NCAM2: variants seen among roughly 807,000 people sequenced by gnomAD.
NCAM2 encodes the protein neural cell adhesion molecule 2.
Under a neutral mutation model 98.1 loss-of-function variants are expected in NCAM2, and 30 were observed. The ratio of observed to expected loss-of-function variants is 0.31; its 90% CI spans 0.23 to 0.41. The LOEUF (loss-of-function observed/expected upper bound fraction) is 0.41. Ranked by LOEUF, NCAM2 falls within the 10% of genes least tolerant of loss-of-function variation. NCAM2 has a pLI of 1.00. For synonymous variants in NCAM2, 368 were observed against 342.4 expected (o/e 1.07, Z -0.83); for missense variants, 867 against 1,005.8 (o/e 0.86, Z 1.87).
chr21:21,462,690 C>G (rs1047190181), intron 12 of NCAM2, among the ~76,000 whole-genome samples: 3 of 151,138 alleles, frequency 2.0e-5, no homozygotes, highest in African/African-American at 4.9e-5. Flanking sequence ...TCTTTTTTGC[C>G]TTTATAGACA....
intron 15 of NCAM2, among the ~76,000 whole-genome samples, chr21:21,502,951 A>G (rs906802273): frequency 6.6e-6 from 1 of 152,006 alleles, no homozygotes; most frequent in Non-Finnish European, 1.5e-5. Flanking sequence ...ACATTGAACT[A>G]TATAAGGAGT....
At chr21:21,058,376 G>A (rs907308446) in intron 1 of NCAM2, among the ~76,000 whole-genome samples, 2 of 152,030 alleles carry the variant, frequency 1.3e-5, no homozygotes, top group African/African-American at 4.8e-5. Context: ...ACATTTATCT[G>A]TTGGGGTCAC....
intron 1 of NCAM2, among the ~76,000 whole-genome samples, chr21:21,019,299 T>C (rs548777889): frequency 6.6e-5 from 10 of 152,296 alleles, no homozygotes; most frequent in African/African-American, 2.4e-4. Flanking sequence ...CCTGCAAAAA[T>C]TTTATTTTTA....
chr21:21,290,289 T>C (rs922586723), intron 4 of NCAM2: 2 of 151,980 alleles, frequency 1.3e-5, no homozygotes, highest in African/African-American at 4.8e-5. Context: ...CTAAGTATGA[T>C]AGTGTTCCTC....
chr21:21,296,120 C>T (rs1406281596), intron 5 of NCAM2, among the ~76,000 whole-genome samples: 1 of 151,750 alleles, frequency 6.6e-6, no homozygotes, highest in East Asian at 1.9e-4. Flanking sequence ...ACTAAAAGGC[C>T]TAACACAGCA....
chr21:21,134,538 T>G (rs2067002686), intron 1 of NCAM2, among the ~76,000 whole-genome samples: 1 of 152,206 alleles, frequency 6.6e-6, no homozygotes, highest in African/African-American at 2.4e-5. Context: ...ACTTTAGTCC[T>G]GGATAATGCT....
At chr21:21,044,347 C>T (rs2064967390) in intron 1 of NCAM2, among the ~76,000 whole-genome samples, 1 of 152,076 alleles carries the variant, frequency 6.6e-6, no homozygotes, top group South Asian at 2.1e-4. Context: ...AAGAGTTAAT[C>T]TTCCTTTTCA....
chr21:21,342,722 T>C (rs952212516), intron 8 of NCAM2, among the ~76,000 whole-genome samples: 1 of 152,244 alleles, frequency 6.6e-6, no homozygotes, highest in African/African-American at 2.4e-5. Flanking sequence ...TTAGGCACTC[T>C]GTCTTGATGG....
chr21:21,112,874 C>T (rs1203592394), intron 1 of NCAM2, among the ~76,000 whole-genome samples: 1 of 152,204 alleles, frequency 6.6e-6, no homozygotes, highest in East Asian at 1.9e-4. Flanking sequence ...CCTTAAACTA[C>T]TTCCATGCAG....
rs1436309999 is a variant in NCAM2, at chr21:21,540,791, G to A, written c.*2834G>A. On this transcript the variant is annotated 3_prime_UTR_variant, in exon 18 of 18. Coordinates refer to ENST00000400546, the MANE Select transcript of NCAM2 (RefSeq NM_004540.5). Reference sequence around the variant, plus strand: ...AAACTTGGTATTTCTTGATAGGTTAGGTGCAATTAGGCAGTGACAATCTGT... The same window carrying A: ...AAACTTGGTATTTCTTGATAGGTTAAGTGCAATTAGGCAGTGACAATCTGT... 2 of 151,892 alleles carry A rather than the reference G, an allele frequency of 1.3e-5. No individual in the cohort carries two copies. The highest frequency in any genetic ancestry group is 2.9e-5 in the Non-Finnish European group (2 of 67,876). 9.4% of individuals were successfully genotyped at this position (151,892 alleles called of 1,614,324 possible). A position where few individuals can be genotyped will look rare whatever the true frequency, so the allele number is the denominator to read the frequency against.
chr21:21,352,419 G>T (rs896815753), intron 8 of NCAM2, among the ~76,000 whole-genome samples: 11 of 151,866 alleles, frequency 7.2e-5, no homozygotes, highest in African/African-American at 2.7e-4. Context: ...ACCTTGCCTG[G>T]CTCCAAATTT....
At chr21:21,233,163 G>C (rs895382778) in intron 1 of NCAM2, among the ~76,000 whole-genome samples, 12 of 151,612 alleles carry the variant, frequency 7.9e-5, no homozygotes, top group Admixed American at 6.6e-4. Context: ...AAATTGGCAA[G>C]TTCTTCTTTC....
intron 1 of NCAM2, among the ~76,000 whole-genome samples, chr21:21,068,613 C>T (rs1243670354): frequency 1.3e-5 from 2 of 151,984 alleles, no homozygotes; most frequent in Non-Finnish European, 2.9e-5. Context: ...GCATGTGCCA[C>T]CATGCCTGGC....
rs1188423309 is a variant in NCAM2 at position 21,542,234 on chromosome 21, T to C, written c.*4277T>C. The C allele has an allele frequency of 6.6e-6, 1 of 151,742 alleles. No individual in the cohort carries two copies. Among genetic ancestry groups the C allele is most frequent in the Non-Finnish European group, 1.5e-5 (1 of 67,776 alleles). 9.4% of individuals were successfully genotyped at this position (151,742 alleles called of 1,614,324 possible). ...GCTCCCATCCTTCCTTTTTGAAAAA[T>C]TGAATTTACCCATGTAGATGCAGCT... On this transcript the variant is annotated 3_prime_UTR_variant, in exon 18 of 18. Coordinates refer to ENST00000400546, the MANE Select transcript of NCAM2 (RefSeq NM_004540.5).
At chr21:21,508,589 AT>A (rs911422429) in intron 15 of NCAM2, among the ~76,000 whole-genome samples, 11 of 151,790 alleles carry the variant, frequency 7.2e-5, no homozygotes, top group African/African-American at 2.2e-4. Flanking sequence ...TTCTTTGTTA[AT>A]AAAAAAAAAA....
intron 8 of NCAM2, among the ~76,000 whole-genome samples, chr21:21,371,969 A>T (rs1400334723): frequency 6.6e-6 from 1 of 151,568 alleles, no homozygotes; most frequent in Admixed American, 6.6e-5. Context: ...GGATTTAATG[A>T]CTCTAAAAGT....
intron 1 of NCAM2, among the ~76,000 whole-genome samples, chr21:21,134,975 C>T (rs1212680212): frequency 6.6e-6 from 1 of 151,914 alleles, no homozygotes; most frequent in African/African-American, 2.4e-5. Flanking sequence ...CGGCTCACGC[C>T]TGTAATCCCA....
At position 21,476,653 on chromosome 21, in the gene NCAM2, A is replaced by T. The variant is rs572330506; in HGVS notation, c.1897-638A>T. Among the ~76,000 whole-genome samples the T allele has an allele frequency of 8.5e-5, 13 of 152,222 alleles. No individual in the cohort carries two copies. The South Asian group carries it at 2.7e-3, about 32-fold the overall frequency. On this transcript the variant is annotated intron_variant, in intron 14 of 17. Coordinates refer to ENST00000400546, the MANE Select transcript of NCAM2 (RefSeq NM_004540.5). ...TGTCATATGGTCAAATTTATATTTT[A>T]GAAAAAGAATGAGATAGTATTTAAG...
chr21:21,414,747 G>T (rs1008900342), intron 10 of NCAM2, among the ~76,000 whole-genome samples: 1 of 152,104 alleles, frequency 6.6e-6, no homozygotes, highest in African/African-American at 2.4e-5. Context: ...GGGATTACAG[G>T]CGTGAGCCAC....
Sources: gnomAD v4.1 joint callset for allele counts (sites outside exome capture counted in the v4.1 genomes callset) on GRCh38, gnomAD v4.1.1 for gene constraint, MANE v1.5 for transcripts, NCBI Gene and HGNC (gene_info 2026-07-23, HGNC 2026-07-21) for gene names.